Variants in DNAH2 observed in about 807,000 individuals in gnomAD.
DNAH2 encodes dynein axonemal heavy chain 2.
Under a neutral mutation model 523.5 loss-of-function variants are expected in DNAH2, and 323 were observed. That is an observed-to-expected ratio of 0.62 (90% CI 0.56 to 0.68). DNAH2 has a LOEUF of 0.68. Among genes scored for constraint, DNAH2 ranks in the 30% least tolerant of loss-of-function variants. The pLI, the probability that DNAH2 is intolerant of heterozygous loss-of-function variation, is 0.00. For missense variants in DNAH2, 4,907 were observed against 5,701.5 expected (o/e 0.86, Z 4.49); for synonymous variants, 2,093 against 2,177.4 (o/e 0.96, Z 1.08).
At chr17:7,805,814 AT>A (rs1410365613) in intron 61 of DNAH2, among the ~76,000 whole-genome samples, 1 of 152,110 alleles carries the variant, frequency 6.6e-6, no homozygotes. Context: ...AGATTGCGCC[AT>A]TGCACTCCAG....
chr17:7,775,107 G>A (rs2076413196), intron 29 of DNAH2, 131 bp downstream of exon 29: 2 of 1,257,798 alleles, frequency 1.6e-6, no homozygotes, highest in African/African-American at 1.5e-5. Context: ...TTCTCAGGGG[G>A]ATAGAACTTC....
rs147350201 is a variant in DNAH2, at chr17:7,735,724, C to A, written c.978+1016C>A. Among the ~76,000 whole-genome samples the A allele has an allele frequency of 1.9e-3, 287 of 152,050 alleles. 2 individuals carry two copies. Among genetic ancestry groups the A allele is most frequent in the African/African-American group, 6.5e-3 (271 of 41,488 alleles). On this transcript the variant is annotated intron_variant, in intron 7 of 85. Transcript: ENST00000572933. ...AAAGTGTTGGGATTACAGGCGTGAG[C>A]TACCTCACCCAGCTCAATTGTTAAT...
chr17:7,749,328 A>AGAAAG (rs1567636908), intron 12 of DNAH2, among the ~76,000 whole-genome samples: 1 of 141,448 alleles, frequency 7.1e-6, no homozygotes, highest in Admixed American at 7.2e-5. Flanking sequence ...AAAAAAAAAA[A>AGAAAG]AAAAAAAAAA....
At chr17:7,724,063 T>G (rs2151118835) in intron 3 of DNAH2, among the ~76,000 whole-genome samples, 1 of 152,276 alleles carries the variant, frequency 6.6e-6, no homozygotes, top group South Asian at 2.1e-4. Flanking sequence ...GTTCTTTCCT[T>G]TGGCTGAAGA....
chr17:7,742,980 T>C lies in DNAH2; in HGVS notation c.1742T>C (p.Val581Ala). ...CGTATTGGGACTGGAAAGGAGAGTG[T>C]GCACACCTATCAGCAGATGGTCCAG... is the stretch of plus-strand genomic sequence containing the variant. ...LPRIGTGKES[V>A]HTYQQMVQAI... The change falls in exon 12 of 86, where the codon GTG becomes GCG. Residue 581 changes from valine to alanine, a missense_variant. Around this residue, in one of 3 missense-constraint regions of DNAH2, gnomAD observed 2,806 missense variants for 3,190.8 expected, o/e 0.88. Transcript: ENST00000572933. 1 of 1,508,298 alleles carries C rather than the reference T, an allele frequency of 6.6e-7. No individual in the cohort carries two copies. The highest frequency in any genetic ancestry group is 1.4e-5 in the South Asian group (1 of 72,116). 93.4% of individuals were successfully genotyped at this position (1,508,298 alleles called of 1,614,324 possible).
At chr17:7,788,887 G>A (rs2151266335) in intron 44 of DNAH2, among the ~76,000 whole-genome samples, 2 of 152,232 alleles carry the variant, frequency 1.3e-5, no homozygotes, top group South Asian at 4.2e-4. Context: ...AGATGGGGCT[G>A]GGCACGGTGG....
At position 7,798,821 on chromosome 17, in the gene DNAH2, GCCACACCCCCACT is replaced by G; in HGVS notation, c.8559+104_8559+116del. On this transcript the variant is annotated intron_variant, in intron 55 of 85. Coordinates refer to ENST00000572933, the MANE Select transcript of DNAH2 (RefSeq NM_020877.5). This position sits in a 1 kb window ranked among gnomAD's most constrained non-coding sequence, Gnocchi z 5.5. ...AATGTGCCACTGGCACACCCCCACT[GCCACACCCCCACT>G]GCCCACCTCAGCCCTGTAAGGTGGA... The G allele has an allele frequency of 1.3e-6, 1 of 756,908 alleles. No homozygotes were observed. Among genetic ancestry groups the G allele is most frequent in the Non-Finnish European group, 2.0e-6 (1 of 510,310 alleles). 46.9% of individuals were successfully genotyped at this position (756,908 alleles called of 1,614,324 possible).
chr17:7,810,067 C>CTTTTTTTTTT (rs578080579), intron 63 of DNAH2, among the ~76,000 whole-genome samples: 1 of 127,310 alleles, frequency 7.9e-6, no homozygotes, highest in African/African-American at 2.9e-5. Flanking sequence ...TCTTTTTTTT[C>CTTTTTTTTTT]TTTTTTTTTT....
rs2076089516 is a variant in DNAH2 at position 7,764,238 on chromosome 17, A to C, written c.3301A>C (p.Ile1101Leu). 2.5e-6 allele frequency: 4 copies of C among 1,613,352 alleles called. No individual in the cohort carries two copies. Among genetic ancestry groups the C allele is most frequent in the Non-Finnish European group, 1.7e-6 (2 of 1,179,588 alleles). ...QIPPIHEQFA[I>L]LEKYEVPVED... is the part of the protein sequence containing the mutation. ...CCCTCCCATACACGAGCAATTTGCCATTCTTGAAAAGTACGAGGTGCCAGT... is the reference window on the plus strand; with the variant it reads ...CCCTCCCATACACGAGCAATTTGCCCTTCTTGAAAAGTACGAGGTGCCAGT... Residue 1101 changes from isoleucine (I) to leucine (L), a missense_variant, in exon 20 of 86, where the codon ATT (isoleucine) becomes CTT (leucine). Physicochemically the swap from Ile to Leu is conservative, Grantham distance 5 (BLOSUM62 2). This residue lies in a region of DNAH2 where 2,806 missense variants were observed against 3,190.8 expected (regional missense o/e 0.88). Coordinates refer to ENST00000572933, the MANE Select transcript of DNAH2 (RefSeq NM_020877.5).
chr17:7,778,427 G>C lies in DNAH2; in HGVS notation c.5499G>C (p.Leu1833=). 6.2e-7 allele frequency: 1 copy of C among 1,614,194 alleles called. No individual in the cohort carries two copies. Among genetic ancestry groups the C allele is most frequent in the Non-Finnish European group, 8.5e-7 (1 of 1,180,038 alleles). The change falls in exon 35 of 86, where the codon CTG becomes CTC. Residue 1833 remains leucine (L), a synonymous_variant. Coordinates refer to ENST00000572933, the MANE Select transcript of DNAH2 (RefSeq NM_020877.5). Reference sequence around the variant, plus strand: ...TTGTGGTCAACTGCTCTGAGGGCCTGGACTACAAGTCCATGGGCCGAATGT... The same window carrying C: ...TTGTGGTCAACTGCTCTGAGGGCCTCGACTACAAGTCCATGGGCCGAATGT... ...YVIVVNCSEG[L]DYKSMGRMYS...
At chr17:7,794,103 T>C (rs575958371) in intron 48 of DNAH2, 151 bp from the exon 49 acceptor site, 28 of 511,452 alleles carry the variant, frequency 5.5e-5, no homozygotes, top group Non-Finnish European at 6.5e-5. Context: ...TACCACTCCA[T>C]GTTCCTCTCA....
At chr17:7,822,120 G>A (rs1187055716) in intron 73 of DNAH2, among the ~76,000 whole-genome samples, 5 of 152,132 alleles carry the variant, frequency 3.3e-5, no homozygotes, top group East Asian at 1.9e-4. Flanking sequence ...ACAGGCCTGC[G>A]CCACCACGCC....
At chr17:7,771,752 C>T (rs1449407765) in intron 28 of DNAH2, among the ~76,000 whole-genome samples, 1 of 151,936 alleles carries the variant, frequency 6.6e-6, no homozygotes, top group African/African-American at 2.4e-5. Flanking sequence ...GAGTTTTGCA[C>T]ATTGCCCAGG....
At chr17:7,778,511 CT>C in intron 35 of DNAH2, 42 bp downstream of exon 35, 2 of 1,538,022 alleles carry the variant, frequency 1.3e-6, no homozygotes, top group Non-Finnish European at 1.8e-6. Flanking sequence ...CCTTAAATAC[CT>C]TTTCGTCCCA....
At chr17:7,785,094 ATTT>A (rs33990598) in intron 39 of DNAH2, among the ~76,000 whole-genome samples, 13 of 134,778 alleles carry the variant, frequency 9.6e-5, no homozygotes, top group Admixed American at 1.5e-4. Flanking sequence ...AAATTAGAGA[ATTT>A]TTTTTTTTTT....
At chr17:7,794,449 T>C in intron 49 of DNAH2, 91 bp downstream of exon 49, 1 of 1,167,310 alleles carries the variant, frequency 8.6e-7, no homozygotes, top group Non-Finnish European at 1.2e-6. Context: ...CCCAGGGGGC[T>C]GCGGCACCCC....
Position 7,770,408 on chromosome 17 carries a change from G to A in DNAH2, c.4098G>A (p.Val1366=), listed in dbSNP as rs1399185047. The change falls in exon 25 of 86, where the codon GTG becomes GTA. Residue 1366 remains valine, a splice_region_variant and synonymous_variant. Transcript: ENST00000572933. ...CAACTAAAGAGCTGGCTATAGAAGT[G>A]GTACGACAGTCCCCTCCCATGCTCC... is the stretch of plus-strand genomic sequence containing the variant. ...ASATKELAIE[V]ALQNIAKTWD... is the part of the protein sequence containing the mutation. 10 of 1,612,024 alleles carry A rather than the reference G, an allele frequency of 6.2e-6. No homozygotes were observed. Among genetic ancestry groups the A allele is most frequent in the Non-Finnish European group, 8.5e-6 (10 of 1,179,002 alleles).
At chr17:7,748,781 C>A (rs1320475137) in intron 12 of DNAH2, among the ~76,000 whole-genome samples, 1 of 151,842 alleles carries the variant, frequency 6.6e-6, no homozygotes, top group Non-Finnish European at 1.5e-5. Context: ...CAGGCCTAAG[C>A]TACCTTGCCC....
intron 63 of DNAH2, among the ~76,000 whole-genome samples, chr17:7,809,538 A>C (rs1486310360): frequency 6.6e-6 from 1 of 152,102 alleles, no homozygotes; most frequent in Non-Finnish European, 1.5e-5. Context: ...GTCTTTTCCC[A>C]AGAGCGAAGA....
Sources: allele counts gnomAD v4.1 joint callset (sites outside exome capture counted in the v4.1 genomes callset), GRCh38; gene constraint gnomAD v4.1.1; regional missense constraint gnomAD v4.1.1; non-coding constraint Gnocchi (gnomAD v3.1); transcripts MANE v1.5; gene names NCBI Gene and HGNC (gene_info 2026-07-23, HGNC 2026-07-21).